METTL25: variants seen among roughly 807,000 people sequenced by gnomAD.
METTL25 encodes the protein probable methyltransferase-like protein 25.
A neutral mutation model predicts 71.6 loss-of-function variants in METTL25; 64 were observed. The observed-to-expected ratio is 0.89, with a 90% CI of 0.73 to 1.10. The LOEUF (loss-of-function observed/expected upper bound fraction) is 1.10, where lower values mean the gene tolerates loss of function less well. Among genes scored for constraint, METTL25 ranks in the 50% least tolerant of loss-of-function variants. The pLI is 0.00. For missense variants in METTL25, 807 were observed against 707.0 expected, an observed-to-expected ratio of 1.14 and a Z score of -1.60; for synonymous variants, 287 against 250.3, an observed-to-expected ratio of 1.15 and a Z score of -1.38.
intron 3 of METTL25, among the ~76,000 whole-genome samples, chr12:82,393,643 C>T (rs758442554): frequency 1.3e-5 from 2 of 151,992 alleles, no homozygotes; most frequent in Non-Finnish European, 2.9e-5. Flanking sequence ...CTGGCTAGGA[C>T]CTCCAATACT....
chr12:82,437,979 C>T (rs1890044222), intron 7 of METTL25, among the ~76,000 whole-genome samples: 1 of 151,666 alleles, frequency 6.6e-6, no homozygotes, highest in African/African-American at 2.4e-5. Flanking sequence ...TTGAGTAATT[C>T]TGTTGCTGCA....
At chr12:82,468,667 C>T (rs1892387767) in intron 9 of METTL25, 1 of 152,126 alleles carries the variant, frequency 6.6e-6, no homozygotes, top group African/African-American at 2.4e-5. Flanking sequence ...TCCCATGTCA[C>T]CTTTTAGAAG....
intron 5 of METTL25, among the ~76,000 whole-genome samples, chr12:82,424,808 C>G (rs189464318): frequency 1.3e-5 from 2 of 151,956 alleles, no homozygotes; most frequent in Admixed American, 6.6e-5. Context: ...CACAGAGAGA[C>G]ACAGAGAAAA....
At chr12:82,426,901 C>G (rs1320818780) in intron 5 of METTL25, among the ~76,000 whole-genome samples, 1 of 151,978 alleles carries the variant, frequency 6.6e-6, no homozygotes, top group East Asian at 1.9e-4. Context: ...ACAACACTTA[C>G]AGCTTCACCA....
intron 3 of METTL25, among the ~76,000 whole-genome samples, chr12:82,395,801 T>C (rs1412479228): frequency 6.6e-6 from 1 of 151,986 alleles, no homozygotes; most frequent in Non-Finnish European, 1.5e-5. Flanking sequence ...GGGACGTCTA[T>C]TGTGGGGAAG....
At chr12:82,458,568 A>C (rs2137261730) in intron 9 of METTL25, among the ~76,000 whole-genome samples, 1 of 152,194 alleles carries the variant, frequency 6.6e-6, no homozygotes, top group East Asian at 1.9e-4. Flanking sequence ...CTCATAAGAG[A>C]CCACCCACAC....
At chr12:82,448,591 ATATAGTATTT>A (rs1212287432) in intron 8 of METTL25, among the ~76,000 whole-genome samples, 1 of 152,074 alleles carries the variant, frequency 6.6e-6, no homozygotes, top group Admixed American at 6.6e-5. Context: ...CAAAAAATAT[ATATAGTATTT>A]TGCTACCTAT....
intron 1 of METTL25, among the ~76,000 whole-genome samples, chr12:82,360,914 G>T (rs902392417): frequency 6.6e-6 from 1 of 152,074 alleles, no homozygotes; most frequent in Non-Finnish European, 1.5e-5. Context: ...TCGTGGTCTC[G>T]CTGGCTTCAG....
rs772771362 is a variant in METTL25 at position 82,476,644 on chromosome 12, C to T, written c.1573C>T (p.Leu525=). The T allele has an allele frequency of 7.6e-6, 12 of 1,581,852 alleles. No individual in the cohort carries two copies. The highest frequency in any genetic ancestry group is 1.7e-4 in the Middle Eastern group (1 of 5,994). ...TTTATTGTTGTTTTTTATCTTGAAG[C>T]TGCCAGAAAAAATTATAATGAACTA... The part of the protein sequence containing the change: ...LKKLGLDESK[L]PEKIIMNYYE... Residue 525 remains leucine, a splice_region_variant and synonymous_variant, in exon 10 of 12, where the codon CTG becomes TTG. Coordinates refer to ENST00000248306, the MANE Select transcript of METTL25 (RefSeq NM_032230.3).
chr12:82,470,294 G>T (rs895001700), intron 9 of METTL25, among the ~76,000 whole-genome samples: 20 of 152,158 alleles, frequency 1.3e-4, no homozygotes, highest in Non-Finnish European at 2.1e-4. Flanking sequence ...TAAAATAGGA[G>T]GTAGTCTCAT....
chr12:82,360,881 G>C (rs868806646), intron 1 of METTL25, among the ~76,000 whole-genome samples: 29 of 152,112 alleles, frequency 1.9e-4, no homozygotes, highest in Middle Eastern at 3.2e-3. Flanking sequence ...GGATGTGTTC[G>C]GAGTTTCTTC....
At chr12:82,413,009 T>C (rs1887673709) in intron 5 of METTL25, among the ~76,000 whole-genome samples, 1 of 152,034 alleles carries the variant, frequency 6.6e-6, no homozygotes, top group Non-Finnish European at 1.5e-5. Flanking sequence ...TGCTTCAAAA[T>C]AAATCCTTGA....
At chr12:82,464,373 T>C (rs991614532) in intron 9 of METTL25, among the ~76,000 whole-genome samples, 1 of 152,008 alleles carries the variant, frequency 6.6e-6, no homozygotes, top group Non-Finnish European at 1.5e-5. Flanking sequence ...GTGATTATTC[T>C]TTCCCCAGTG....
chr12:82,426,351 C>T (rs4628747), intron 5 of METTL25, among the ~76,000 whole-genome samples: 139,821 of 152,040 alleles, frequency 0.92, 64,671 homozygotes, highest in East Asian at 1. Flanking sequence ...TATGTAACCA[C>T]GTGGTGTCCA....
At chr12:82,428,022 T>C (rs1045670186) in intron 5 of METTL25, among the ~76,000 whole-genome samples, 2 of 152,094 alleles carry the variant, frequency 1.3e-5, no homozygotes, top group Admixed American at 6.6e-5. Flanking sequence ...TTTTTTGCTC[T>C]ACTCTCTACT....
At chr12:82,360,914 G>A (rs902392417) in intron 1 of METTL25, among the ~76,000 whole-genome samples, 8 of 152,074 alleles carry the variant, frequency 5.3e-5, no homozygotes, top group Non-Finnish European at 1.0e-4. Flanking sequence ...TCGTGGTCTC[G>A]CTGGCTTCAG....
At chr12:82,363,514 G>T (rs923591277) in intron 1 of METTL25, among the ~76,000 whole-genome samples, 1 of 152,114 alleles carries the variant, frequency 6.6e-6, no homozygotes, top group Admixed American at 6.5e-5. Flanking sequence ...GCAGGCTCAG[G>T]TATACCACCA....
At chr12:82,368,194 G>T (rs1049546654) in intron 1 of METTL25, among the ~76,000 whole-genome samples, 1 of 151,902 alleles carries the variant, frequency 6.6e-6, no homozygotes, top group Non-Finnish European at 1.5e-5. Flanking sequence ...TAACTGTAGG[G>T]CTCAATTTTC....
intron 1 of METTL25, among the ~76,000 whole-genome samples, chr12:82,369,871 C>T (rs1443621468): frequency 6.6e-6 from 1 of 151,764 alleles, no homozygotes; most frequent in Non-Finnish European, 1.5e-5. Flanking sequence ...CGTTTACAAT[C>T]CTTTAGCTAG....
Sources: allele counts gnomAD v4.1 joint callset (sites outside exome capture counted in the v4.1 genomes callset), GRCh38; gene constraint gnomAD v4.1.1; transcripts MANE v1.5; gene names NCBI Gene and HGNC (gene_info 2026-07-23, HGNC 2026-07-21).